Variants in RBMS1 observed in about 807,000 individuals in gnomAD.
The protein encoded by RBMS1 is RNA binding motif single stranded interacting protein 1, also known as RNA-binding motif, single-stranded-interacting protein 1.
RBMS1 carries 17 observed loss-of-function variants against 62.3 expected under a neutral mutation model. The observed-to-expected ratio is 0.27, with a 90% CI of 0.19 to 0.41. The LOEUF is 0.41. Ranked by LOEUF, RBMS1 falls within the 10% of genes least tolerant of loss-of-function variation. RBMS1 has a pLI of 1.00. For missense variants in RBMS1, 334 were observed against 504.5 expected (o/e 0.66, Z 3.24); for synonymous variants, 172 against 170.0 (o/e 1.01, Z -0.09).
intron 4 of RBMS1, among the ~76,000 whole-genome samples, chr2:160,307,413 T>G (rs1393677518): frequency 1.5e-5 from 2 of 131,586 alleles, no homozygotes; most frequent in East Asian, 2.2e-4. Flanking sequence ...AAAAAACATA[T>G]GAGGATTTGC....
chr2:160,390,445 C>T (rs1397132680), intron 1 of RBMS1, among the ~76,000 whole-genome samples: 1 of 152,154 alleles, frequency 6.6e-6, no homozygotes, highest in African/African-American at 2.4e-5. Flanking sequence ...AATCTCAACA[C>T]TTCGGAAGGC....
chr2:160,277,502 G>C (rs972909589), intron 11 of RBMS1, 119 bp from the exon 12 acceptor site: 15 of 700,394 alleles, frequency 2.1e-5, no homozygotes, highest in Non-Finnish European at 3.3e-5. Flanking sequence ...AATTTAAATG[G>C]GCTACACCTC....
chr2:160,325,943 T>C (rs1373188075), intron 2 of RBMS1, among the ~76,000 whole-genome samples: 2 of 152,202 alleles, frequency 1.3e-5, no homozygotes, highest in Admixed American at 6.5e-5. Context: ...ATTAAGGGTA[T>C]AGAAAGATAT....
At chr2:160,462,409 G>A (rs1684503598) in intron 1 of RBMS1, among the ~76,000 whole-genome samples, 1 of 152,168 alleles carries the variant, frequency 6.6e-6, no homozygotes, top group African/African-American at 2.4e-5. Context: ...AGAAAAGGAA[G>A]GAGGTGAAGA....
chr2:160,420,879 T>C (rs1696397136), intron 1 of RBMS1, among the ~76,000 whole-genome samples: 2 of 152,244 alleles, frequency 1.3e-5, no homozygotes, highest in South Asian at 4.1e-4. Flanking sequence ...ATAAAAATTA[T>C]AGCCTCTTGA....
intron 1 of RBMS1, among the ~76,000 whole-genome samples, chr2:160,380,607 G>A (rs1210982614): frequency 2.6e-5 from 4 of 152,234 alleles, no homozygotes; most frequent in Non-Finnish European, 4.4e-5. Context: ...TCAAGTCTTC[G>A]GATCTAACAG....
rs1693655173 is a variant in RBMS1, at chr2:160,370,347, A to T, written c.76-2956T>A. ...AAGATTACGTTTTTAGAAGTCACTGAAACTGGGCCGGGCGCAGTGGCTCAC... is the reference window on the plus strand; with the variant it reads ...AAGATTACGTTTTTAGAAGTCACTGTAACTGGGCCGGGCGCAGTGGCTCAC... On this transcript the variant is annotated intron_variant, in intron 1 of 13. Coordinates refer to ENST00000348849, the MANE Select transcript of RBMS1 (RefSeq NM_016836.4). Among the ~76,000 whole-genome samples the T allele has an allele frequency of 3.9e-5, 6 of 152,324 alleles. No homozygotes were observed. In the South Asian group the frequency reaches 1.2e-3, roughly 32 times the overall value.
At chr2:160,313,581 AG>A (rs1301851185) in intron 3 of RBMS1, among the ~76,000 whole-genome samples, 2 of 152,164 alleles carry the variant, frequency 1.3e-5, no homozygotes, top group Admixed American at 1.3e-4. Flanking sequence ...AAAAAAAGGA[AG>A]AAAAAAAATA....
chr2:160,384,925 C>T (rs1694488298), intron 1 of RBMS1, among the ~76,000 whole-genome samples: 1 of 152,208 alleles, frequency 6.6e-6, no homozygotes, highest in Admixed American at 6.5e-5. Flanking sequence ...TTAACACCAT[C>T]CCCTGGTGAT....
intron 1 of RBMS1, among the ~76,000 whole-genome samples, chr2:160,476,710 A>G (rs2105351291): frequency 6.6e-6 from 1 of 151,114 alleles, no homozygotes; most frequent in South Asian, 2.1e-4. Context: ...GCCCGCCACT[A>G]CGCCCGGCTA....
intron 2 of RBMS1, among the ~76,000 whole-genome samples, chr2:160,356,815 A>G (rs189868310): frequency 6.6e-6 from 1 of 152,152 alleles, no homozygotes; most frequent in African/African-American, 2.4e-5. Flanking sequence ...ATTAGAGATG[A>G]TAATTTTGCT....
intron 2 of RBMS1, among the ~76,000 whole-genome samples, chr2:160,350,711 C>T (rs572142930): frequency 6.6e-6 from 1 of 152,238 alleles, no homozygotes; most frequent in Non-Finnish European, 1.5e-5. Context: ...GCATAGTATT[C>T]CATGGTGTAT....
intron 4 of RBMS1, 77 bp from the exon 5 acceptor site, chr2:160,303,564 A>C: frequency 1.4e-6 from 2 of 1,452,314 alleles, no homozygotes; most frequent in Non-Finnish European, 9.3e-7. Context: ...TATTTTTATT[A>C]GCTACTTTCT....
At position 160,433,134 on chromosome 2, in the gene RBMS1, CTGAG is replaced by C. The variant is rs560363068; in HGVS notation, c.75+60151_75+60154del. Among the ~76,000 whole-genome samples, 6 of 152,176 alleles carry C rather than the reference CTGAG, an allele frequency of 3.9e-5. No individual in the cohort carries two copies. In the South Asian group the frequency reaches 1.2e-3, roughly 32 times the overall value. ...ATTAAAAAAAAAAAAAATCTTTAGACTGAGTGAGGTAGCTCACATCTGTGGTCCC... is the reference window on the plus strand; with the variant it reads ...ATTAAAAAAAAAAAAAATCTTTAGACTGAGGTAGCTCACATCTGTGGTCCC... On this transcript the variant is annotated intron_variant, in intron 1 of 13. Coordinates refer to ENST00000348849, the MANE Select transcript of RBMS1 (RefSeq NM_016836.4).
At chr2:160,453,591 T>G (rs1684090815) in intron 1 of RBMS1, among the ~76,000 whole-genome samples, 1 of 152,180 alleles carries the variant, frequency 6.6e-6, no homozygotes, top group South Asian at 2.1e-4. Flanking sequence ...CCCTCTTATG[T>G]CACTTCCCCC....
intron 4 of RBMS1, among the ~76,000 whole-genome samples, chr2:160,304,626 T>G (rs772614066): frequency 6.6e-6 from 1 of 152,178 alleles, no homozygotes; most frequent in Non-Finnish European, 1.5e-5. Flanking sequence ...CCCTGGCTAA[T>G]GTGTGTGTTA....
chr2:160,439,156 C>T (rs1224701257), intron 1 of RBMS1, among the ~76,000 whole-genome samples: 14 of 149,732 alleles, frequency 9.4e-5, no homozygotes, highest in Non-Finnish European at 1.6e-4. Context: ...GATCCCCCCA[C>T]CTCCCTCCCG....
intron 1 of RBMS1, among the ~76,000 whole-genome samples, chr2:160,400,323 T>TA (rs1283339860): frequency 7.5e-6 from 1 of 133,062 alleles, no homozygotes; most frequent in Non-Finnish European, 1.6e-5. Flanking sequence ...AAATTAAATT[T>TA]AAAAAACGAA....
At chr2:160,377,669 A>ATAAT (rs1237704304) in intron 1 of RBMS1, among the ~76,000 whole-genome samples, 2 of 152,262 alleles carry the variant, frequency 1.3e-5, no homozygotes, top group East Asian at 3.8e-4. Flanking sequence ...ATAAGAGCCA[A>ATAAT]TAATTATCCA....
Sources: gnomAD v4.1 joint callset for allele counts (sites outside exome capture counted in the v4.1 genomes callset) on GRCh38, gnomAD v4.1.1 for gene constraint, MANE v1.5 for transcripts, NCBI Gene and HGNC (gene_info 2026-07-23, HGNC 2026-07-21) for gene names.